The following SRPK2 variants were observed in gnomAD, a reference collection of about 807,000 sequenced individuals.
SRPK2 encodes the protein SFRS protein kinase 2.
SRPK2 carries 21 observed loss-of-function variants against 90.8 expected under a neutral mutation model. That is an observed-to-expected ratio of 0.23 (90% confidence interval 0.16 to 0.33). The LOEUF (loss-of-function observed/expected upper bound fraction) is 0.33. Among genes scored for constraint, SRPK2 ranks in the 10% least tolerant of loss-of-function variants. The pLI is 1.00. For missense variants in SRPK2, 620 were observed against 869.0 expected (o/e 0.71, Z 3.60); for synonymous variants, 288 against 311.1 (o/e 0.93, Z 0.78).
intron 3 of SRPK2, among the ~76,000 whole-genome samples, chr7:105,180,692 A>G (rs918175557): frequency 3.3e-5 from 5 of 152,218 alleles, no homozygotes; most frequent in African/African-American, 1.2e-4. Context: ...CGGGAGATGA[A>G]GGTTGCAGTG....
At chr7:105,212,597 G>C (rs1242145702) in intron 2 of SRPK2, among the ~76,000 whole-genome samples, 7 of 152,176 alleles carry the variant, frequency 4.6e-5, no homozygotes, top group Admixed American at 1.3e-4. Context: ...TAAGAAGCTT[G>C]GGCTCTATCC....
chr7:105,324,759 C>A (rs562145059), intron 2 of SRPK2, among the ~76,000 whole-genome samples: 1 of 152,086 alleles, frequency 6.6e-6, no homozygotes, highest in African/African-American at 2.4e-5. Flanking sequence ...TGGTGGTGCA[C>A]GCCTGCAATC....
At chr7:105,339,174 G>A (rs1404618639) in intron 2 of SRPK2, among the ~76,000 whole-genome samples, 1 of 152,178 alleles carries the variant, frequency 6.6e-6, no homozygotes, top group Non-Finnish European at 1.5e-5. Flanking sequence ...AAGCAAAGAT[G>A]AATAATTTCA....
chr7:105,209,959 A>G (rs1053706814), intron 2 of SRPK2, among the ~76,000 whole-genome samples: 1 of 152,178 alleles, frequency 6.6e-6, no homozygotes, highest in Non-Finnish European at 1.5e-5. Flanking sequence ...TAATACTAAA[A>G]TTATCATCAT....
rs1554435316 is a variant in SRPK2, at chr7:105,170,790, A to AAGGAC, written c.230-1526_230-1525insGTCCT. Among the ~76,000 whole-genome samples, 124 of 70,412 alleles carry AAGGAC rather than the reference A, an allele frequency of 1.8e-3. 9 individuals carry two copies. Among genetic ancestry groups the AAGGAC allele is most frequent in the African/African-American group, 7.3e-3 (106 of 14,560 alleles). 46.2% of individuals were successfully genotyped at this position (70,412 alleles called of 152,430 possible). A position where few individuals can be genotyped will look rare whatever the true frequency, so the allele number is the denominator to read the frequency against. ...AAGGAAGGAAGGAAGGACGGGAGGG[A>AAGGAC]GGGAGGGAGGGAGGGAGAGAGAGAG... On this transcript the variant is annotated intron_variant, in intron 3 of 15. Transcript: ENST00000393651.
intron 1 of SRPK2, among the ~76,000 whole-genome samples, chr7:105,394,436 A>G (rs1473327850): frequency 6.6e-6 from 1 of 151,420 alleles, no homozygotes; most frequent in Non-Finnish European, 1.5e-5. Context: ...CCACGCGCCC[A>G]GCCAATTTGT....
chr7:105,331,731 C>T (rs145490999), intron 2 of SRPK2, among the ~76,000 whole-genome samples: 16 of 152,108 alleles, frequency 1.1e-4, no homozygotes, highest in Admixed American at 6.6e-4. Context: ...AAAAAGTGTA[C>T]GGAAAGTTGC....
intron 7 of SRPK2, among the ~76,000 whole-genome samples, chr7:105,159,448 C>CAA (rs765544583): frequency 0.014 from 451 of 33,006 alleles, 11 homozygotes; most frequent in South Asian, 0.032. Context: ...ACTCCGTCTC[C>CAA]AAAAAAAAAA....
intron 2 of SRPK2, among the ~76,000 whole-genome samples, chr7:105,316,814 C>A (rs1333234126): frequency 6.6e-6 from 1 of 152,180 alleles, no homozygotes; most frequent in Non-Finnish European, 1.5e-5. Flanking sequence ...CGCCCACTGG[C>A]CATACTTACT....
At chr7:105,296,863 C>T (rs990668759) in intron 2 of SRPK2, among the ~76,000 whole-genome samples, 3 of 152,110 alleles carry the variant, frequency 2.0e-5, no homozygotes, top group Non-Finnish European at 4.4e-5. Flanking sequence ...GAAGAGAAAA[C>T]TAAAGCAGAG....
upstream of SRPK2, among the ~76,000 whole-genome samples, chr7:105,390,903 T>C (rs2132900122): frequency 6.6e-6 from 1 of 152,334 alleles, no homozygotes; most frequent in South Asian, 2.1e-4. Context: ...ATACTATAGA[T>C]GATGTTGTAT....
intron 2 of SRPK2, among the ~76,000 whole-genome samples, chr7:105,316,722 T>A (rs576031490): frequency 6.6e-6 from 1 of 152,342 alleles, no homozygotes; most frequent in East Asian, 1.9e-4. Flanking sequence ...AAAGTTACTC[T>A]GACCTTTGGA....
At chr7:105,184,191 C>A (rs1793274254) in intron 3 of SRPK2, among the ~76,000 whole-genome samples, 1 of 151,718 alleles carries the variant, frequency 6.6e-6, no homozygotes, top group Non-Finnish European at 1.5e-5. Context: ...GTTGGTCAGG[C>A]TGGTCTCGAA....
chr7:105,323,393 A>G (rs1288772566), intron 2 of SRPK2, among the ~76,000 whole-genome samples: 1 of 152,230 alleles, frequency 6.6e-6, no homozygotes, highest in Non-Finnish European at 1.5e-5. Context: ...CACCAATGTT[A>G]GAAAATAGCA....
At chr7:105,379,699 C>T (rs1585979587) in intron 2 of SRPK2, among the ~76,000 whole-genome samples, 1 of 152,290 alleles carries the variant, frequency 6.6e-6, no homozygotes, top group Non-Finnish European at 1.5e-5. Context: ...ATGCACTGGG[C>T]CAGGCGTGGT....
At chr7:105,394,631 G>C (rs1443263430) in intron 1 of SRPK2, among the ~76,000 whole-genome samples, 1 of 152,196 alleles carries the variant, frequency 6.6e-6, no homozygotes, top group African/African-American at 2.4e-5. Flanking sequence ...ATTCTTAACA[G>C]TTGGGAGATA....
At chr7:105,371,489 C>A (rs1046921308) in intron 2 of SRPK2, among the ~76,000 whole-genome samples, 1 of 149,898 alleles carries the variant, frequency 6.7e-6, no homozygotes, top group East Asian at 2.0e-4. Context: ...TGGTGGCTCA[C>A]GTCTGTAATC....
intron 2 of SRPK2, among the ~76,000 whole-genome samples, chr7:105,212,437 G>T (rs1423858183): frequency 6.6e-6 from 1 of 152,180 alleles, no homozygotes; most frequent in Non-Finnish European, 1.5e-5. Context: ...CTTACAGACT[G>T]GCCAGAATGA....
chr7:105,303,189 C>T (rs894658017), intron 2 of SRPK2, among the ~76,000 whole-genome samples: 5 of 152,054 alleles, frequency 3.3e-5, no homozygotes, highest in African/African-American at 7.2e-5. Flanking sequence ...CTGGAAACCA[C>T]CATTCTGAGC....
Sources: allele counts gnomAD v4.1 joint callset (sites outside exome capture counted in the v4.1 genomes callset), GRCh38; gene constraint gnomAD v4.1.1; transcripts MANE v1.5; gene names NCBI Gene and HGNC (gene_info 2026-07-23, HGNC 2026-07-21).